The following PSMG4 variants were observed in gnomAD, a reference collection of about 807,000 sequenced individuals.
The protein encoded by PSMG4 is proteasome assembly chaperone 4, also known as proteasome (prosome, macropain) assembly chaperone 4.
A neutral mutation model predicts 11.0 loss-of-function variants in PSMG4; 10 were observed. The ratio of observed to expected loss-of-function variants is 0.91; its 90% CI spans 0.56 to 1.54. The LOEUF is 1.54. PSMG4 is among the 40% of genes most tolerant of loss of function. The probability of loss-of-function intolerance (pLI) is 0.00; values close to 1 mark genes in which losing one functional copy is unlikely to be tolerated. For synonymous variants in PSMG4, 95 were observed against 71.3 expected (o/e 1.33, Z -1.68); for missense variants, 198 against 160.9 (o/e 1.23, Z -1.25).
intron 2 of PSMG4, chr6:3,264,008 C>T (rs1217252071): frequency 9.0e-6 from 12 of 1,337,678 alleles, no homozygotes; most frequent in East Asian, 2.5e-5. Flanking sequence ...TGGGTGTGTC[C>T]TTGAGTCCAT....
intron 1 of PSMG4, among the ~76,000 whole-genome samples, chr6:3,260,126 T>TG (rs1757922895): frequency 1.3e-5 from 2 of 151,560 alleles, no homozygotes; most frequent in Non-Finnish European, 2.9e-5. Context: ...TTTGTAGAGA[T>TG]GGGGGTCTCA....
chr6:3,258,853 C>T, upstream of PSMG4: 3 of 584,946 alleles, frequency 5.1e-6, no homozygotes, highest in Non-Finnish European at 5.0e-6. Flanking sequence ...ACCACGCCCC[C>T]AACCCAAGCC....
chr6:3,259,821 T>C (rs752629992), intron 1 of PSMG4, among the ~76,000 whole-genome samples: 4 of 152,160 alleles, frequency 2.6e-5, no homozygotes, highest in Non-Finnish European at 5.9e-5. Flanking sequence ...GCCTGGGACA[T>C]TATCATTTCC....
upstream of PSMG4, among the ~76,000 whole-genome samples, chr6:3,254,439 A>C (rs531361745): frequency 1.2e-4 from 13 of 104,210 alleles, no homozygotes; most frequent in Admixed American, 4.5e-4. Context: ...TTTGTGCTGT[A>C]ATAGTTTTCT....
At chr6:3,254,934 A>T, upstream of PSMG4, 3 of 1,176,026 alleles carry the variant, frequency 2.6e-6, no homozygotes, top group Non-Finnish European at 3.5e-6. Context: ...CCATTCTCTC[A>T]CTGGGTGTCA....
chr6:3,258,407 C>T (rs1476346170), upstream of PSMG4, among the ~76,000 whole-genome samples: 2 of 152,336 alleles, frequency 1.3e-5, no homozygotes, highest in East Asian at 1.9e-4. Flanking sequence ...TTTCTAAAGG[C>T]TTTCTCCCAA....
upstream of PSMG4, among the ~76,000 whole-genome samples, chr6:3,258,090 T>C (rs1757827042): frequency 6.6e-6 from 1 of 152,090 alleles, no homozygotes; most frequent in Non-Finnish European, 1.5e-5. Context: ...TTTACCACCT[T>C]CTCTCTTAAC....
chr6:3,263,967 G>T, intron 2 of PSMG4: 1 of 1,359,394 alleles, frequency 7.4e-7, no homozygotes, highest in Non-Finnish European at 9.8e-7. Context: ...CCCAGGGCTG[G>T]CCTGTTCCCA....
intron 2 of PSMG4, chr6:3,264,215 GA>G (rs1561843458): frequency 1.3e-6 from 2 of 1,551,604 alleles, no homozygotes; most frequent in Non-Finnish European, 1.7e-6. Context: ...TCAGGGCTCG[GA>G]GGGAAGACTG....
At chr6:3,255,881 T>C (rs1167972315), upstream of PSMG4, among the ~76,000 whole-genome samples, 25 of 151,910 alleles carry the variant, frequency 1.6e-4, no homozygotes, top group Non-Finnish European at 1.5e-5. Context: ...TTTGTCTTCC[T>C]CTTTCCTGAT....
Position 3,267,643 on chromosome 6 carries a change from C to CTT in PSMG4, c.303_304insTT (p.Ser102LeufsTer8). The CTT allele has an allele frequency of 1.3e-6, 2 of 1,552,092 alleles. No homozygotes were observed. The highest frequency in any genetic ancestry group is 1.7e-6 in the Non-Finnish European group (2 of 1,146,994). ...TCAGCTATAACCTTCAGAACACAGA[C>CTT]AGTAACTTCGCATTACTTGTAGAAA... On this transcript the variant is annotated frameshift_variant, in exon 3 of 3. Coordinates refer to ENST00000438998, the MANE Select transcript of PSMG4 (RefSeq NM_001128591.2). LOFTEE classifies it high-confidence loss of function.
chr6:3,254,581 C>G (rs558292746), upstream of PSMG4, among the ~76,000 whole-genome samples: 2 of 152,042 alleles, frequency 1.3e-5, no homozygotes, highest in South Asian at 2.1e-4. Context: ...GCTGGGAACC[C>G]AACGATGGAA....
upstream of PSMG4, chr6:3,254,988 T>G (rs929869800): frequency 1.5e-5 from 22 of 1,509,896 alleles, no homozygotes; most frequent in Admixed American, 2.1e-5. Context: ...GTGGATCCCA[T>G]GGACCTAGCG....
intron 2 of PSMG4, chr6:3,263,961 G>C: frequency 1.5e-6 from 2 of 1,365,890 alleles, no homozygotes; most frequent in South Asian, 3.0e-5. Flanking sequence ...CACCGTCCCA[G>C]GGCTGGCCTG....
chr6:3,263,448 T>C (rs752974167), intron 1 of PSMG4, among the ~76,000 whole-genome samples: 5 of 152,222 alleles, frequency 3.3e-5, no homozygotes, highest in Non-Finnish European at 5.9e-5. Flanking sequence ...TCCTAGAACT[T>C]AGTAGCACTG....
upstream of PSMG4, among the ~76,000 whole-genome samples, chr6:3,254,719 C>T (rs893901642): frequency 3.9e-5 from 6 of 152,144 alleles, no homozygotes; most frequent in East Asian, 1.9e-4. Flanking sequence ...GCCTGGACAC[C>T]AGAAAAAACA....
At chr6:3,256,858 G>C (rs1194611115), upstream of PSMG4, among the ~76,000 whole-genome samples, 34 of 152,168 alleles carry the variant, frequency 2.2e-4, no homozygotes. Flanking sequence ...GGAGGCCGTG[G>C]CAGAAGGTAG....
At chr6:3,261,934 A>C (rs1261679793) in intron 1 of PSMG4, among the ~76,000 whole-genome samples, 1 of 152,224 alleles carries the variant, frequency 6.6e-6, no homozygotes, top group Non-Finnish European at 1.5e-5. Flanking sequence ...TTGCCAGCCC[A>C]CACGTGGAGA....
At chr6:3,264,605 T>TAG (rs1338195679) in intron 2 of PSMG4, 4 of 327,472 alleles carry the variant, frequency 1.2e-5, no homozygotes, top group Non-Finnish European at 2.0e-5. Flanking sequence ...AGTATGTGGA[T>TAG]AGGACAGAGG....
Sources: gnomAD v4.1 joint callset for allele counts (sites outside exome capture counted in the v4.1 genomes callset) on GRCh38, gnomAD v4.1.1 for gene constraint, MANE v1.5 for transcripts, NCBI Gene and HGNC (gene_info 2026-07-23, HGNC 2026-07-21) for gene names.